B3GALT1: variants seen among roughly 807,000 people sequenced by gnomAD.
B3GALT1 encodes the protein beta-1,3-galactosyltransferase 1, also known as UDP-Gal:betaGlcNAc beta 1,3-galactosyltransferase, polypeptide 1.
B3GALT1 carries 10 observed loss-of-function variants against 23.2 expected under a neutral mutation model. The ratio of observed to expected loss-of-function variants is 0.43; its 90% CI spans 0.27 to 0.73. B3GALT1 has a LOEUF of 0.73. Among genes scored for constraint, B3GALT1 ranks in the 30% least tolerant of loss-of-function variants. The pLI, the probability that B3GALT1 is intolerant of heterozygous loss-of-function variation, is 0.21. For missense variants in B3GALT1, 299 were observed against 405.4 expected (o/e 0.74, Z 2.25); for synonymous variants, 156 against 141.5 (o/e 1.10, Z -0.73).
At chr2:167,517,286 A>G (rs1199657672) in intron 2 of B3GALT1, among the ~76,000 whole-genome samples, 2 of 151,932 alleles carry the variant, frequency 1.3e-5, no homozygotes, top group Non-Finnish European at 2.9e-5. Flanking sequence ...CTTTAGGGCT[A>G]AAAGATTAGT....
At chr2:167,542,548 A>T (rs1574127599) in intron 2 of B3GALT1, among the ~76,000 whole-genome samples, 1 of 152,186 alleles carries the variant, frequency 6.6e-6, no homozygotes, top group East Asian at 1.9e-4. Context: ...TTATGCCAAT[A>T]AAATGAGATA....
chr2:167,360,598 A>AT (rs1697484416), intron 1 of B3GALT1, among the ~76,000 whole-genome samples: 1 of 152,104 alleles, frequency 6.6e-6, no homozygotes, highest in Admixed American at 6.6e-5. Flanking sequence ...TTTAAAATAT[A>AT]TTTTTATTGA....
At chr2:167,569,671 G>C (rs1649686769) in intron 2 of B3GALT1, among the ~76,000 whole-genome samples, 1 of 151,570 alleles carries the variant, frequency 6.6e-6, no homozygotes, top group Admixed American at 6.6e-5. Context: ...TTGTCCTATT[G>C]TATCAGCTAG....
At chr2:167,519,119 A>G (rs1700146457) in intron 2 of B3GALT1, among the ~76,000 whole-genome samples, 1 of 152,108 alleles carries the variant, frequency 6.6e-6, no homozygotes, top group Non-Finnish European at 1.5e-5. Flanking sequence ...TCTACTGGAC[A>G]GTAGCATCAT....
Position 167,839,182 on chromosome 2 carries a change from A to G in B3GALT1, c.-230+20389A>G, listed in dbSNP as rs1468710739. Reference sequence around the variant, plus strand: ...AGTGTTGGAAGTTCTGGCCAGGGCAATTAGTCAGGAGAAGGAAATAAAGGG... The same window carrying G: ...AGTGTTGGAAGTTCTGGCCAGGGCAGTTAGTCAGGAGAAGGAAATAAAGGG... On this transcript the variant is annotated intron_variant, in intron 4 of 4. Transcript: ENST00000392690. Among the ~76,000 whole-genome samples the G allele has an allele frequency of 1.1e-4, 17 of 152,314 alleles. No individual in the cohort carries two copies. The East Asian group carries it at 3.1e-3, about 28-fold the overall frequency.
At chr2:167,311,332 G>C (rs1696631318) in intron 1 of B3GALT1, among the ~76,000 whole-genome samples, 1 of 152,064 alleles carries the variant, frequency 6.6e-6, no homozygotes, top group African/African-American at 2.4e-5. Context: ...GGCATATCTG[G>C]ATAAAGAGTT....
chr2:167,788,661 C>T (rs776645000), intron 3 of B3GALT1, among the ~76,000 whole-genome samples: 8 of 152,032 alleles, frequency 5.3e-5, no homozygotes, highest in African/African-American at 2.4e-5. Context: ...GCCCACCACT[C>T]ACCTCCTGCT....
intron 2 of B3GALT1, among the ~76,000 whole-genome samples, chr2:167,539,618 T>A (rs116214942): frequency 0.012 from 1,809 of 152,264 alleles, 32 homozygotes; most frequent in African/African-American, 0.041. Flanking sequence ...CACATAAACA[T>A]GCAAAATTGA....
intron 4 of B3GALT1, among the ~76,000 whole-genome samples, chr2:167,844,651 G>A (rs939253015): frequency 6.6e-6 from 1 of 152,240 alleles, no homozygotes; most frequent in Non-Finnish European, 1.5e-5. Flanking sequence ...GATCCGTCGA[G>A]AGGGCAGCCG....
intron 2 of B3GALT1, among the ~76,000 whole-genome samples, chr2:167,494,761 A>G (rs1221634652): frequency 6.6e-6 from 1 of 152,214 alleles, no homozygotes; most frequent in Non-Finnish European, 1.5e-5. Context: ...TCTCTACTTA[A>G]TGAGCCCATG....
chr2:167,324,026 C>T (rs1696853478), intron 1 of B3GALT1, among the ~76,000 whole-genome samples: 1 of 151,938 alleles, frequency 6.6e-6, no homozygotes, highest in African/African-American at 2.4e-5. Context: ...AGGCCACAGT[C>T]GTCTTGATGG....
rs143825929 is a variant in B3GALT1, at chr2:167,869,807, C to G, written c.768C>G (p.Leu256=). ...DVAELIYKTS[L]HTRLLHLEDV... Reference sequence around the variant, plus strand: ...CTGAACTCATTTACAAGACCTCACTCCACACAAGGCTGCTTCACCTTGAAG... The same window carrying G: ...CTGAACTCATTTACAAGACCTCACTGCACACAAGGCTGCTTCACCTTGAAG... Residue 256 remains leucine, a synonymous_variant, in exon 5 of 5, where the codon CTC becomes CTG. Transcript: ENST00000392690. This position sits in a 1 kb window ranked among gnomAD's most constrained non-coding sequence, Gnocchi z 6.4. The G allele has an allele frequency of 2.2e-4, 350 of 1,614,094 alleles. No individual in the cohort carries two copies. The African/African-American group carries it at 4.2e-3, about 19-fold the overall frequency.
chr2:167,617,686 T>A (rs540663215), intron 2 of B3GALT1, among the ~76,000 whole-genome samples: 1 of 152,182 alleles, frequency 6.6e-6, no homozygotes, highest in South Asian at 2.1e-4. Context: ...AGGTACAGGA[T>A]CATAGAAATT....
chr2:167,677,339 T>G (rs938481060), intron 3 of B3GALT1, among the ~76,000 whole-genome samples: 1 of 152,212 alleles, frequency 6.6e-6, no homozygotes, highest in Non-Finnish European at 1.5e-5. Flanking sequence ...AAACTATTTT[T>G]AAGGAACAGA....
intron 3 of B3GALT1, among the ~76,000 whole-genome samples, chr2:167,665,702 G>T (rs1013426042): frequency 6.6e-6 from 1 of 152,174 alleles, no homozygotes; most frequent in Non-Finnish European, 1.5e-5. Context: ...GAGAGTGTAT[G>T]TGTCGAGGAA....
chr2:167,837,969 T>C (rs1290622076), intron 4 of B3GALT1, among the ~76,000 whole-genome samples: 5 of 152,088 alleles, frequency 3.3e-5, no homozygotes, highest in Non-Finnish European at 7.4e-5. Flanking sequence ...AGATGTTCTT[T>C]GAAACCAATG....
rs539147727 is a variant in B3GALT1, at chr2:167,360,004, C to T, written c.-511+66670C>T. Among the ~76,000 whole-genome samples, 4 of 152,148 alleles carry T rather than the reference C, an allele frequency of 2.6e-5. No individual in the cohort carries two copies. The South Asian group carries it at 8.3e-4, about 32-fold the overall frequency. ...TTATGATAGATTCTATTGACATTCT[C>T]CATGTACCATGTATATCTGCTTTTC... On this transcript the variant is annotated intron_variant, in intron 1 of 4. Transcript: ENST00000392690.
At chr2:167,500,919 G>A (rs1020104428) in intron 2 of B3GALT1, among the ~76,000 whole-genome samples, 7 of 152,070 alleles carry the variant, frequency 4.6e-5, no homozygotes, top group African/African-American at 1.7e-4. Flanking sequence ...TTTACTGATA[G>A]CAAGTCTACC....
intron 1 of B3GALT1, among the ~76,000 whole-genome samples, chr2:167,365,149 G>A (rs1697567573): frequency 6.6e-6 from 1 of 152,094 alleles, no homozygotes; most frequent in African/African-American, 2.4e-5. Flanking sequence ...TAGTTTCCTG[G>A]GTTTCTCAGA....
Sources: allele counts gnomAD v4.1 joint callset (sites outside exome capture counted in the v4.1 genomes callset), GRCh38; gene constraint gnomAD v4.1.1; non-coding constraint Gnocchi (gnomAD v3.1); transcripts MANE v1.5; gene names NCBI Gene and HGNC (gene_info 2026-07-23, HGNC 2026-07-21).